The following DLG2 variants were observed in gnomAD, a reference collection of about 807,000 sequenced individuals.
DLG2 encodes the protein discs large MAGUK scaffold protein 2.
Under a neutral mutation model 132.5 loss-of-function variants are expected in DLG2, and 45 were observed. That is an observed-to-expected ratio of 0.34 (90% CI 0.27 to 0.44). The LOEUF (loss-of-function observed/expected upper bound fraction) is 0.44. Ranked by LOEUF, DLG2 falls within the 20% of genes least tolerant of loss-of-function variation. DLG2 has a pLI of 1.00. For synonymous variants in DLG2, 424 were observed against 419.6 expected, an observed-to-expected ratio of 1.01 and a Z score of -0.13; for missense variants, 1,045 against 1,196.9, an observed-to-expected ratio of 0.87 and a Z score of 1.87.
intron 18 of DLG2, among the ~76,000 whole-genome samples, chr11:83,775,754 A>G (rs1464442383): frequency 1.3e-5 from 2 of 151,888 alleles, no homozygotes. Flanking sequence ...CTACATTTAA[A>G]TGCCTACTAT....
chr11:84,717,934 A>G (rs547544097), intron 6 of DLG2, among the ~76,000 whole-genome samples: 1 of 152,098 alleles, frequency 6.6e-6, no homozygotes, highest in South Asian at 2.1e-4. Context: ...TACATAAATC[A>G]TATCAATAGT....
intron 6 of DLG2, among the ~76,000 whole-genome samples, chr11:84,934,956 A>T (rs149794938): frequency 3.3e-5 from 5 of 152,034 alleles, no homozygotes; most frequent in Non-Finnish European, 1.5e-5. Flanking sequence ...CTGTTACTGG[A>T]ACTTCGAATT....
At chr11:84,940,102 T>C (rs1050614149) in intron 6 of DLG2, among the ~76,000 whole-genome samples, 8 of 152,228 alleles carry the variant, frequency 5.3e-5, no homozygotes, top group Non-Finnish European at 1.0e-4. Flanking sequence ...TGCCTAGTTT[T>C]TGGATAAAAG....
chr11:85,571,881 T>G (rs1410212099), intron 3 of DLG2, among the ~76,000 whole-genome samples: 3 of 152,182 alleles, frequency 2.0e-5, no homozygotes, highest in Non-Finnish European at 4.4e-5. Context: ...AAGATAAATC[T>G]TTTGAGCTGG....
chr11:85,337,331 G>C (rs1271371330), intron 3 of DLG2, among the ~76,000 whole-genome samples: 1 of 152,062 alleles, frequency 6.6e-6, no homozygotes, highest in Non-Finnish European at 1.5e-5. Flanking sequence ...TGATCCTCCT[G>C]TCTCGGCTTC....
chr11:84,356,915 G>A (rs1208037804), intron 7 of DLG2, among the ~76,000 whole-genome samples: 2 of 152,050 alleles, frequency 1.3e-5, no homozygotes, highest in East Asian at 3.9e-4. Context: ...ATTCCAGAGA[G>A]AGAAGAGAAA....
intron 6 of DLG2, among the ~76,000 whole-genome samples, chr11:84,646,249 A>G (rs1160362998): frequency 6.6e-6 from 1 of 152,184 alleles, no homozygotes; most frequent in Non-Finnish European, 1.5e-5. Flanking sequence ...AAAACAGGTT[A>G]TTTAAATTCA....
chr11:83,793,490 A>G (rs962167504), intron 17 of DLG2, among the ~76,000 whole-genome samples: 14 of 152,180 alleles, frequency 9.2e-5, no homozygotes, highest in Non-Finnish European at 1.3e-4. Flanking sequence ...AATTTCTTGG[A>G]CGTTTCCTTT....
chr11:85,000,912 T>C (rs1566616708), intron 6 of DLG2, among the ~76,000 whole-genome samples: 2 of 152,142 alleles, frequency 1.3e-5, no homozygotes, highest in African/African-American at 4.8e-5. Flanking sequence ...TATAAGTAGA[T>C]GCATTTCATA....
chr11:83,928,782 G>A (rs2079526530), intron 15 of DLG2, among the ~76,000 whole-genome samples: 1 of 152,052 alleles, frequency 6.6e-6, no homozygotes, highest in Non-Finnish European at 1.5e-5. Flanking sequence ...TTATTGTGAG[G>A]ATTAAGAGAA....
At chr11:84,666,160 T>C (rs1391812702) in intron 6 of DLG2, among the ~76,000 whole-genome samples, 2 of 152,112 alleles carry the variant, frequency 1.3e-5, no homozygotes, top group Non-Finnish European at 2.9e-5. Context: ...GTAAGGGTGT[T>C]TGGGGATGAG....
chr11:85,066,985 C>A (rs966592102), intron 6 of DLG2, among the ~76,000 whole-genome samples: 14 of 151,830 alleles, frequency 9.2e-5, no homozygotes, highest in Admixed American at 3.3e-4. Flanking sequence ...AACGGGAAGT[C>A]AAATTTTTCT....
chr11:85,354,950 CA>C (rs1181742544), intron 3 of DLG2, among the ~76,000 whole-genome samples: 2 of 151,284 alleles, frequency 1.3e-5, no homozygotes, highest in Non-Finnish European at 2.9e-5. Context: ...CATTTCTTGC[CA>C]AAGGATTATA....
At position 83,930,421 on chromosome 11, in the gene DLG2, T is replaced by C. The variant is rs751515631; in HGVS notation, c.1403A>G (p.His468Arg). The part of the protein sequence containing the change: ...KLCDKPASPR[H>R]YSPVECDKSF... Reference sequence around the variant, plus strand: ...TTTGTCACACTCAACAGGGGAATAGTGCCTGGGAGAAGCAGGCTTATCACA... The same window carrying C: ...TTTGTCACACTCAACAGGGGAATAGCGCCTGGGAGAAGCAGGCTTATCACA... Residue 468 changes from histidine (H) to arginine (R), a missense_variant, in exon 15 of 28, where the codon CAC (histidine) becomes CGC (arginine). Transcript: ENST00000376104. 3.7e-6 allele frequency: 6 copies of C among 1,613,916 alleles called. No individual in the cohort carries two copies. Among genetic ancestry groups the C allele is most frequent in the Non-Finnish European group, 5.1e-6 (6 of 1,179,914 alleles).
intron 3 of DLG2, among the ~76,000 whole-genome samples, chr11:85,392,814 C>G (rs1298865017): frequency 6.6e-6 from 1 of 152,046 alleles, no homozygotes; most frequent in Non-Finnish European, 1.5e-5. Flanking sequence ...TCACCTTACA[C>G]AAAAATCAAC....
intron 3 of DLG2, among the ~76,000 whole-genome samples, chr11:85,331,075 G>T (rs1037730588): frequency 1.3e-5 from 2 of 152,096 alleles, no homozygotes; most frequent in South Asian, 4.1e-4. Flanking sequence ...TCTAAAATAT[G>T]CCCAAGTACA....
At chr11:85,218,946 A>C (rs980577281) in intron 4 of DLG2, among the ~76,000 whole-genome samples, 2 of 152,190 alleles carry the variant, frequency 1.3e-5, no homozygotes, top group African/African-American at 4.8e-5. Flanking sequence ...CCATAGTCCT[A>C]AGCAAATTAA....
chr11:84,294,031 T>G (rs1425494361), intron 7 of DLG2, among the ~76,000 whole-genome samples: 1 of 152,112 alleles, frequency 6.6e-6, no homozygotes, highest in African/African-American at 2.4e-5. Flanking sequence ...TATAACAGAC[T>G]AGGGTATAAA....
intron 6 of DLG2, among the ~76,000 whole-genome samples, chr11:84,821,643 AAC>A (rs1314279306): frequency 7.7e-5 from 5 of 65,202 alleles, no homozygotes; most frequent in African/African-American, 1.4e-4. Context: ...AAAAAAAAAC[AAC>A]AACAACAAAA....
Sources: gnomAD v4.1 joint callset for allele counts (sites outside exome capture counted in the v4.1 genomes callset) on GRCh38, gnomAD v4.1.1 for gene constraint, MANE v1.5 for transcripts, NCBI Gene and HGNC (gene_info 2026-07-23, HGNC 2026-07-21) for gene names.